The following TENM1 variants were observed in gnomAD, a reference collection of about 807,000 sequenced individuals.
TENM1 encodes the protein teneurin transmembrane protein 1, also known as teneurin-1.
Under a neutral mutation model 174.8 loss-of-function variants are expected in TENM1, and 35 were observed. That is an observed-to-expected ratio of 0.20 (90% confidence interval 0.15 to 0.27). TENM1 has a LOEUF of 0.27. Among genes scored for constraint, TENM1 ranks in the 10% least tolerant of loss-of-function variants. The pLI, the probability that TENM1 is intolerant of heterozygous loss-of-function variation, is 1.00. For synonymous variants in TENM1, 781 were observed against 798.7 expected, an observed-to-expected ratio of 0.98 and a Z score of 0.37; for missense variants, 1,633 against 2,130.1, an observed-to-expected ratio of 0.77 and a Z score of 4.59.
chrX:124,508,696 A>G (rs752203808), intron 18 of TENM1, among the ~76,000 whole-genome samples: 1 of 111,487 alleles, frequency 9.0e-6, no homozygotes, highest in Non-Finnish European at 1.9e-5. Flanking sequence ...ATATTATGAG[A>G]TTTTTTTCTG....
chrX:125,084,617 C>G, the TENM1 span, among the ~76,000 whole-genome samples: 1 of 110,477 alleles, frequency 9.1e-6, no homozygotes, highest in African/African-American at 3.3e-5. Flanking sequence ...ACCTCTTAAT[C>G]CATAACAACT....
chrX:124,750,119 C>T (rs1330338377), intron 3 of TENM1, among the ~76,000 whole-genome samples: 2 of 111,666 alleles, frequency 1.8e-5, no homozygotes, highest in Non-Finnish European at 1.9e-5. Context: ...TTTCCTTATG[C>T]CTGTTAGGAT....
intron 27 of TENM1, among the ~76,000 whole-genome samples, chrX:124,402,265 G>A (rs1198148398): frequency 1.8e-5 from 2 of 112,135 alleles, no homozygotes; most frequent in African/African-American, 6.5e-5. Context: ...GATTGTTATT[G>A]TTATTAGACT....
At chrX:124,855,429 C>T (rs111494470) in intron 3 of TENM1, among the ~76,000 whole-genome samples, 9 of 111,589 alleles carry the variant, frequency 8.1e-5, no homozygotes, top group Non-Finnish European at 1.5e-4. Flanking sequence ...TCTCCACCCA[C>T]GGCATTAATA....
At chrX:124,889,753 C>T (rs1372965260) in intron 3 of TENM1, among the ~76,000 whole-genome samples, 1 of 111,444 alleles carries the variant, frequency 9.0e-6, no homozygotes, top group East Asian at 2.8e-4. Context: ...AAGCATTTAT[C>T]CTTTGTATTA....
At chrX:124,529,197 T>C (rs1170774805) in intron 16 of TENM1, among the ~76,000 whole-genome samples, 1 of 112,012 alleles carries the variant, frequency 8.9e-6, no homozygotes, top group East Asian at 2.8e-4. Flanking sequence ...CATGGGCCTA[T>C]TGACCCAAAT....
At chrX:125,155,622 G>T in the TENM1 span, among the ~76,000 whole-genome samples, 1 of 112,309 alleles carries the variant, frequency 8.9e-6, no homozygotes, top group Admixed American at 9.3e-5. Context: ...GCCCTGCCCC[G>T]CTGGAAGGCA....
At chrX:124,877,872 T>C (rs2057234943) in intron 3 of TENM1, among the ~76,000 whole-genome samples, 1 of 111,827 alleles carries the variant, frequency 8.9e-6, no homozygotes, top group Non-Finnish European at 1.9e-5. Context: ...ATGTTATATG[T>C]ATTATATACT....
intron 3 of TENM1, among the ~76,000 whole-genome samples, chrX:124,758,309 G>C (rs1466132670): frequency 9.0e-6 from 1 of 111,709 alleles, no homozygotes; most frequent in African/African-American, 3.3e-5. Context: ...CTAATCATCA[G>C]CGTAATGCAA....
At chrX:124,776,554 A>C (rs2054788815) in intron 3 of TENM1, among the ~76,000 whole-genome samples, 1 of 112,043 alleles carries the variant, frequency 8.9e-6, no homozygotes, top group Non-Finnish European at 1.9e-5. Context: ...AAAGTAATAA[A>C]CCTTTTCGAT....
At chrX:124,982,982 T>C in the TENM1 span, among the ~76,000 whole-genome samples, 1 of 111,988 alleles carries the variant, frequency 8.9e-6, no homozygotes, top group Middle Eastern at 4.7e-3. Context: ...TTTCCTCTTC[T>C]AGAATAACAA....
the TENM1 span, among the ~76,000 whole-genome samples, chrX:125,176,955 T>C: frequency 8.9e-6 from 1 of 111,955 alleles, no homozygotes; most frequent in Non-Finnish European, 1.9e-5. Flanking sequence ...GGATCAGGCA[T>C]GTACATAAGT....
In TENM1 at chrX:124,693,201, A is replaced by T. The variant is rs182889933; in HGVS notation, c.1015+11812T>A. 2.2e-3 allele frequency among the ~76,000 whole-genome samples: 239 copies of T among 110,576 alleles called. 1 individual carries two copies. The highest frequency in any genetic ancestry group is 7.4e-3 in the African/African-American group (226 of 30,491). On this transcript the variant is annotated intron_variant, in intron 5 of 31. Transcript: ENST00000422452. ...TTAATATTTTTAGTAGCACATGACT[A>T]GGAGTTGATAGTTTTGAGTCAGTTT...
intron 1 of TENM1, among the ~76,000 whole-genome samples, chrX:124,922,099 G>A (rs1056302306): frequency 5.4e-5 from 6 of 110,846 alleles, no homozygotes; most frequent in African/African-American, 2.0e-4. Flanking sequence ...ACTGGTGTAT[G>A]AGAGTGATAT....
chrX:124,608,639 G>C (rs1165637751), intron 11 of TENM1, among the ~76,000 whole-genome samples: 1 of 111,464 alleles, frequency 9.0e-6, no homozygotes, highest in Non-Finnish European at 1.9e-5. Flanking sequence ...GAAGGCATTT[G>C]CACACTGATG....
the TENM1 span, among the ~76,000 whole-genome samples, chrX:125,048,553 C>T: frequency 2.1e-4 from 23 of 111,265 alleles, no homozygotes; most frequent in African/African-American, 5.5e-4. Flanking sequence ...CAATCTACCA[C>T]CATAGAGACA....
the TENM1 span, among the ~76,000 whole-genome samples, chrX:125,053,881 A>T: frequency 2.7e-5 from 3 of 111,401 alleles, no homozygotes; most frequent in Non-Finnish European, 5.6e-5. Flanking sequence ...TAAATAAGAG[A>T]CACAGATTTC....
rs1004146046 is a variant in TENM1 at position 124,573,868 on chromosome X, T to C, written c.2078-8308A>G. 4.5e-5 allele frequency among the ~76,000 whole-genome samples: 5 copies of C among 112,114 alleles called. No individual in the cohort carries two copies. The Admixed American group carries it at 4.7e-4, about 11-fold the overall frequency. ...TTCCTATAATCAGCAGTGGGGTTGGTGTGGGTGAAGAACTAACAGAAAACA... is the reference window on the plus strand; with the variant it reads ...TTCCTATAATCAGCAGTGGGGTTGGCGTGGGTGAAGAACTAACAGAAAACA... On this transcript the variant is annotated intron_variant, in intron 11 of 31. Coordinates refer to ENST00000422452, the Ensembl canonical transcript of TENM1.
At chrX:124,413,726 C>T (rs1026760440) in intron 25 of TENM1, among the ~76,000 whole-genome samples, 2 of 112,603 alleles carry the variant, frequency 1.8e-5, no homozygotes, top group African/African-American at 6.5e-5. Flanking sequence ...TCTGAAGGAA[C>T]AGCCAACATT....
Sources: gnomAD v4.1 joint callset for allele counts (sites outside exome capture counted in the v4.1 genomes callset) on GRCh38, gnomAD v4.1.1 for gene constraint, MANE v1.5 for transcripts, NCBI Gene and HGNC (gene_info 2026-07-23, HGNC 2026-07-21) for gene names.